The following TDRD10 variants were observed in gnomAD, a reference collection of about 807,000 sequenced individuals.
The protein encoded by TDRD10 is tudor domain-containing protein 10.
In TDRD10, 40 loss-of-function variants were observed where a neutral mutation model predicts 48.0. The observed-to-expected ratio is 0.83, with a 90% CI of 0.65 to 1.09. TDRD10 has a LOEUF of 1.09. Ranked by LOEUF, TDRD10 falls within the 50% of genes least tolerant of loss-of-function variation. The probability of loss-of-function intolerance (pLI) is 0.00; values close to 1 mark genes in which losing one functional copy is unlikely to be tolerated. For missense variants in TDRD10, 378 were observed against 434.7 expected (o/e 0.87, Z 1.16); for synonymous variants, 162 against 170.4 (o/e 0.95, Z 0.38).
At chr1:154,511,107 TTTTG>T (rs978301643) in intron 4 of TDRD10, among the ~76,000 whole-genome samples, 2 of 151,976 alleles carry the variant, frequency 1.3e-5, no homozygotes, top group Non-Finnish European at 2.9e-5. Context: ...CCATTAACTT[TTTTG>T]TTTGTTTGTT....
Position 154,509,095 on chromosome 1 carries a change from C to CTTTTT in TDRD10, c.141+627_141+631dup, listed in dbSNP as rs59771172. Among the ~76,000 whole-genome samples, 31 of 127,180 alleles carry CTTTTT rather than the reference C, an allele frequency of 2.4e-4. 2 individuals are homozygous for CTTTTT. Among genetic ancestry groups the CTTTTT allele is most frequent in the South Asian group, 7.4e-4 (3 of 4,072 alleles). 83.4% of individuals were successfully genotyped at this position (127,180 alleles called of 152,430 possible). ...TCTATTGAATTGAAGCACCTCCTGACTTTTTTTTTTTTTTTTTGGCATCTA... is the reference window on the plus strand; with the variant it reads ...TCTATTGAATTGAAGCACCTCCTGACTTTTTTTTTTTTTTTTTTTTTTGGCATCTA... On this transcript the variant is annotated intron_variant, in intron 4 of 12. Coordinates refer to ENST00000368482, the MANE Select transcript of TDRD10 (RefSeq NM_182499.4).
Position 154,548,016 on chromosome 1 carries a change from A to G in TDRD10, c.*306A>G. On this transcript the variant is annotated 3_prime_UTR_variant, in exon 13 of 13. Transcript: ENST00000368482. ...TTCTTGTGTCTCTTCTTTGCACCCC[A>G]GAGCATGATATAAGTGGTCCTAACA... 1 of 487,190 alleles carries G rather than the reference A, an allele frequency of 2.1e-6. No individual in the cohort carries two copies. Among genetic ancestry groups the G allele is most frequent in the Non-Finnish European group, 3.7e-6 (1 of 273,040 alleles). 30.2% of individuals were successfully genotyped at this position (487,190 alleles called of 1,614,324 possible).
intron 4 of TDRD10, among the ~76,000 whole-genome samples, chr1:154,519,905 A>G (rs1237133655): frequency 6.6e-6 from 1 of 152,162 alleles, no homozygotes; most frequent in East Asian, 1.9e-4. Context: ...ATCCCCGGGC[A>G]GAGGCCAGGC....
chr1:154,537,142 G>A (rs570033058), intron 6 of TDRD10, among the ~76,000 whole-genome samples: 2 of 152,162 alleles, frequency 1.3e-5, no homozygotes, highest in East Asian at 3.9e-4. Flanking sequence ...CCTTCATTCC[G>A]GGCTCCACTC....
At chr1:154,541,489 G>T (rs1389838599) in intron 6 of TDRD10, among the ~76,000 whole-genome samples, 1 of 152,112 alleles carries the variant, frequency 6.6e-6, no homozygotes, top group Non-Finnish European at 1.5e-5. Context: ...ATGCAGGGCA[G>T]TGGGAAGGGG....
intron 6 of TDRD10, among the ~76,000 whole-genome samples, chr1:154,533,303 C>G (rs568868604): frequency 6.6e-6 from 1 of 151,012 alleles, no homozygotes; most frequent in South Asian, 2.1e-4. Flanking sequence ...TTCTGTCTTC[C>G]TAGCCTGTCT....
chr1:154,542,780 G>C lies in TDRD10; in HGVS notation c.462G>C (p.Glu154Asp). The stretch of plus-strand genomic sequence containing the variant: ...CTCCTGTTGACCTGTGTGAGACAGA[G>C]AAACTGAGGGCAGCCTTCTTTGCAG... Reference protein sequence around the residue: ...PKAPVDLCETEKLRAAFFAVP... With the variant: ...PKAPVDLCETDKLRAAFFAVP... The change falls in exon 8 of 13, where the codon GAG becomes GAC. Residue 154 changes from glutamate (E) to aspartate (D), a missense_variant. Physicochemically the swap from Glu to Asp is conservative, Grantham distance 45. Around this residue, in one of 2 missense-constraint regions of TDRD10, gnomAD observed 310 missense variants for 323.6 expected, o/e 0.96. Transcript: ENST00000368482. 6.2e-7 allele frequency: 1 copy of C among 1,614,020 alleles called. No individual in the cohort carries two copies. The highest frequency in any genetic ancestry group is 1.1e-5 in the South Asian group (1 of 91,086).
At chr1:154,546,173 A>T (rs1238513431) in intron 11 of TDRD10, among the ~76,000 whole-genome samples, 1 of 150,788 alleles carries the variant, frequency 6.6e-6, no homozygotes, top group African/African-American at 2.4e-5. Flanking sequence ...TCCTGGGATC[A>T]AGCGATTCTC....
intron 6 of TDRD10, among the ~76,000 whole-genome samples, chr1:154,529,893 T>C (rs190262054): frequency 3.3e-5 from 5 of 152,360 alleles, no homozygotes; most frequent in African/African-American, 7.2e-5. Context: ...ATCATTTCTT[T>C]ACTGTTTAGA....
intron 6 of TDRD10, among the ~76,000 whole-genome samples, chr1:154,529,246 CT>C (rs1280390928): frequency 6.6e-6 from 1 of 151,866 alleles, no homozygotes; most frequent in Non-Finnish European, 1.5e-5. Flanking sequence ...CACCCAGCTA[CT>C]TTTGTATTTT....
At chr1:154,515,611 C>T (rs535756024) in intron 4 of TDRD10, among the ~76,000 whole-genome samples, 1 of 152,358 alleles carries the variant, frequency 6.6e-6, no homozygotes, top group Non-Finnish European at 1.5e-5. Context: ...AGAGGCCCTC[C>T]CCGGCTCTTC....
At chr1:154,514,308 G>C (rs1478964776) in intron 4 of TDRD10, among the ~76,000 whole-genome samples, 1 of 152,156 alleles carries the variant, frequency 6.6e-6, no homozygotes, top group Non-Finnish European at 1.5e-5. Context: ...CAATTGGTGA[G>C]GTTTACCTGT....
chr1:154,521,648 T>C (rs1210029348), intron 6 of TDRD10, among the ~76,000 whole-genome samples, 169 bp downstream of exon 6: 2 of 152,100 alleles, frequency 1.3e-5, no homozygotes, highest in Non-Finnish European at 2.9e-5. Flanking sequence ...CAGTCAGAGG[T>C]AAGGTCAGAT....
chr1:154,505,143 C>G (rs552947822), intron 1 of TDRD10, among the ~76,000 whole-genome samples: 1 of 152,338 alleles, frequency 6.6e-6, no homozygotes, highest in Admixed American at 6.5e-5. Flanking sequence ...AGCATGGATG[C>G]TAAGTGATCT....
intron 7 of TDRD10, among the ~76,000 whole-genome samples, chr1:154,542,519 T>C (rs1455157646): frequency 6.6e-6 from 1 of 152,154 alleles, no homozygotes; most frequent in Non-Finnish European, 1.5e-5. Context: ...CAAGCCACCA[T>C]ACCCAGCCCT....
intron 1 of TDRD10, among the ~76,000 whole-genome samples, chr1:154,506,223 T>C (rs1229588801): frequency 1.3e-5 from 2 of 152,214 alleles, no homozygotes; most frequent in Non-Finnish European, 2.9e-5. Flanking sequence ...CTGGAGGCTT[T>C]AGTTGGAGAA....
At chr1:154,533,027 T>A in intron 6 of TDRD10, among the ~76,000 whole-genome samples, 1 of 152,250 alleles carries the variant, frequency 6.6e-6, no homozygotes, top group African/African-American at 2.4e-5. Flanking sequence ...GGTATGGAAG[T>A]CCAGGATTCC....
Position 154,547,476 on chromosome 1 carries a change from G to A in TDRD10, c.1020G>A (p.Ser340=), listed in dbSNP as rs766472813. ...GGAAAATCACTGGTGCTTTGAACTC[G>A]GCGGTAACTGCTCCTGCATCTAACT... ...LKGKITGALN[S]ALHILKFEES... is the part of the protein sequence containing the mutation. The change falls in exon 12 of 13, where the codon TCG becomes TCA. Residue 340 remains serine, a synonymous_variant. Coordinates refer to ENST00000368482, the MANE Select transcript of TDRD10 (RefSeq NM_182499.4). 3 of 1,614,176 alleles carry A rather than the reference G, an allele frequency of 1.9e-6. No individual in the cohort carries two copies. Among genetic ancestry groups the A allele is most frequent in the South Asian group, 1.1e-5 (1 of 91,082 alleles).
intron 4 of TDRD10, among the ~76,000 whole-genome samples, chr1:154,514,468 G>T (rs964585849): frequency 4.6e-5 from 7 of 152,070 alleles, no homozygotes; most frequent in African/African-American, 1.7e-4. Context: ...GAAAGACAGG[G>T]GAAACACACG....
Sources: gnomAD v4.1 joint callset for allele counts (sites outside exome capture counted in the v4.1 genomes callset) on GRCh38, gnomAD v4.1.1 for gene constraint, gnomAD v4.1.1 regional missense constraint, MANE v1.5 for transcripts, NCBI Gene and HGNC (gene_info 2026-07-23, HGNC 2026-07-21) for gene names.